The following PPP2R2B variants were observed in gnomAD, a reference collection of about 807,000 sequenced individuals.
The protein encoded by PPP2R2B is protein phosphatase 2 regulatory subunit Bbeta.
PPP2R2B carries 5 observed loss-of-function variants against 46.0 expected under a neutral mutation model. That is an observed-to-expected ratio of 0.11 (90% confidence interval 0.06 to 0.23). The LOEUF is 0.23. PPP2R2B is among the 10% of genes least tolerant of loss of function. The pLI is 1.00. For synonymous variants in PPP2R2B, 215 were observed against 206.7 expected (o/e 1.04, Z -0.34); for missense variants, 367 against 575.0 (o/e 0.64, Z 3.70).
chr5:147,075,929 G>GT (rs1369364326), intron 2 of PPP2R2B, among the ~76,000 whole-genome samples: 7 of 115,412 alleles, frequency 6.1e-5, no homozygotes, highest in African/African-American at 2.2e-4. Flanking sequence ...ATGTCTATGT[G>GT]TTATGTTGTT....
intron 6 of PPP2R2B, among the ~76,000 whole-genome samples, chr5:146,644,234 CAAAAAAAAAAAA>C (rs58634387): frequency 2.0e-4 from 12 of 60,666 alleles, no homozygotes; most frequent in Admixed American, 8.4e-4. Flanking sequence ...AGGAAAGTTT[CAAAAAAAAAAAA>C]AAAAAAAAAA....
intron 7 of PPP2R2B, among the ~76,000 whole-genome samples, chr5:146,628,986 C>T (rs1561785559): frequency 6.6e-6 from 1 of 152,198 alleles, no homozygotes. Context: ...CTTTCCCCTA[C>T]CCCATTGGTA....
At position 146,590,112 on chromosome 5, in the gene PPP2R2B, T is replaced by C. The variant is rs375632133; in HGVS notation, c.1167A>G (p.Lys389=). 23 of 1,613,934 alleles carry C rather than the reference T, an allele frequency of 1.4e-5. No homozygotes were observed. The highest frequency in any genetic ancestry group is 1.9e-5 in the Non-Finnish European group (23 of 1,180,036). The change falls in exon 10 of 10, where the codon AAA becomes AAG. Residue 389 remains lysine (K), a synonymous_variant. Transcript: ENST00000394411. The stretch of plus-strand genomic sequence containing the variant: ...TGCCCCCCACACACACTTTTCGGGG[T>C]TTGAGGATAGCCCGGGGCTTGCTGT... The part of the protein sequence containing the change: ...RENSKPRAIL[K]PRKVCVGGKR...
intron 2 of PPP2R2B, among the ~76,000 whole-genome samples, chr5:146,815,011 C>T (rs1389325243): frequency 6.6e-6 from 1 of 152,164 alleles, no homozygotes; most frequent in Non-Finnish European, 1.5e-5. Flanking sequence ...TGGTAACATA[C>T]TTTGGTGCCA....
intron 2 of PPP2R2B, among the ~76,000 whole-genome samples, chr5:146,712,218 T>G (rs1385118951): frequency 6.6e-6 from 1 of 152,230 alleles, no homozygotes; most frequent in Non-Finnish European, 1.5e-5. Flanking sequence ...CCAGTTATAA[T>G]ACCATGAATC....
At chr5:147,060,838 G>A (rs1380115990), upstream of PPP2R2B, among the ~76,000 whole-genome samples, 2 of 152,134 alleles carry the variant, frequency 1.3e-5, no homozygotes, top group East Asian at 3.9e-4. Flanking sequence ...TTGCAAGAAG[G>A]TAAAAATTGG....
Position 147,061,670 on chromosome 5 carries a change from G to C in PPP2R2B, c.50+19389C>G, listed in dbSNP as rs1757262007. On this transcript the variant is annotated intron_variant, in intron 2 of 10. Coordinates refer to the PPP2R2B transcript ENST00000394413. ...CTTGGCATGTGACTAAAGCAAGAGA[G>C]AGGTGGGAAGCTACAGATAAGACTG... is the stretch of plus-strand genomic sequence containing the variant. Among the ~76,000 whole-genome samples, 3 of 152,260 alleles carry C rather than the reference G, an allele frequency of 2.0e-5. No individual in the cohort carries two copies. In the South Asian group the frequency reaches 6.2e-4, roughly 32 times the overall value.
rs565378644 is a variant in PPP2R2B, at chr5:146,885,266, G to T, written c.79+170399C>A. Reference sequence around the variant, plus strand: ...TATAACCAAAGTCAGATAGATGAGAGCCTGGCGCCAACCCATGATCTGTCT... The same window carrying T: ...TATAACCAAAGTCAGATAGATGAGATCCTGGCGCCAACCCATGATCTGTCT... On this transcript the variant is annotated intron_variant, in intron 1 of 8. Transcript: ENST00000336640. Among the ~76,000 whole-genome samples, 4 of 152,258 alleles carry T rather than the reference G, an allele frequency of 2.6e-5. No individual in the cohort carries two copies. In the South Asian group the frequency reaches 8.3e-4, roughly 32 times the overall value.
At chr5:146,663,473 C>A (rs1026658131) in intron 5 of PPP2R2B, among the ~76,000 whole-genome samples, 1 of 81,350 alleles carries the variant, frequency 1.2e-5, no homozygotes, top group South Asian at 4.4e-4. Flanking sequence ...TAAAAACATC[C>A]GTAAATAACA....
intron 2 of PPP2R2B, among the ~76,000 whole-genome samples, chr5:146,851,562 TCA>T (rs1760352479): frequency 6.6e-6 from 1 of 152,148 alleles, no homozygotes. Context: ...ACCAGGTAGA[TCA>T]CAGTCTTTTC....
intron 4 of PPP2R2B, among the ~76,000 whole-genome samples, chr5:146,692,673 A>G (rs1014184633): frequency 1.3e-5 from 2 of 151,600 alleles, no homozygotes; most frequent in Non-Finnish European, 2.9e-5. Flanking sequence ...AGGTGGGACT[A>G]CAGGCACCCA....
chr5:146,744,818 C>T (rs73793246), intron 2 of PPP2R2B, among the ~76,000 whole-genome samples: 2,785 of 152,210 alleles, frequency 0.018, 76 homozygotes, highest in African/African-American at 0.06. Context: ...TTCTGCCTAG[C>T]CAGCTAAGAT....
Position 146,906,570 on chromosome 5 carries a change from C to T in PPP2R2B, c.79+149095G>A, listed in dbSNP as rs183646070. Among the ~76,000 whole-genome samples, 7 of 152,328 alleles carry T rather than the reference C, an allele frequency of 4.6e-5. No individual in the cohort carries two copies. In the East Asian group the frequency reaches 1.4e-3, roughly 29 times the overall value. Reference sequence around the variant, plus strand: ...CTCCCGATCTCAGGTGATCCGCCTGCCTCGGCCTCCCAAAGTGCTGGGATT... The same window carrying T: ...CTCCCGATCTCAGGTGATCCGCCTGTCTCGGCCTCCCAAAGTGCTGGGATT... On this transcript the variant is annotated intron_variant, in intron 1 of 8. Coordinates refer to the PPP2R2B transcript ENST00000336640.
At chr5:146,679,087 T>G (rs2151133315) in intron 5 of PPP2R2B, among the ~76,000 whole-genome samples, 1 of 75,106 alleles carries the variant, frequency 1.3e-5, no homozygotes. Context: ...CATCGCCAAG[T>G]CAATCCTAAG....
intron 2 of PPP2R2B, among the ~76,000 whole-genome samples, chr5:146,775,091 A>T (rs1755102311): frequency 1.3e-5 from 2 of 150,742 alleles, no homozygotes; most frequent in Admixed American, 1.3e-4. Flanking sequence ...AAACTCTTTC[A>T]AAAAAACGAA....
intron 2 of PPP2R2B, among the ~76,000 whole-genome samples, chr5:146,858,069 T>C (rs1760781816): frequency 6.6e-6 from 1 of 152,206 alleles, no homozygotes; most frequent in South Asian, 2.1e-4. Context: ...CATGAGCACA[T>C]TACAGGCACC....
At chr5:146,923,300 T>G (rs1763672652) in intron 1 of PPP2R2B, among the ~76,000 whole-genome samples, 1 of 152,140 alleles carries the variant, frequency 6.6e-6, no homozygotes. Flanking sequence ...ACTTATTAGC[T>G]CATCACAAAC....
chr5:147,037,402 G>A (rs975151128), intron 1 of PPP2R2B, among the ~76,000 whole-genome samples: 1 of 150,072 alleles, frequency 6.7e-6, no homozygotes. Flanking sequence ...AGACAAAGGG[G>A]TGTGTGTGTG....
chr5:147,023,481 C>T (rs1234743545), intron 1 of PPP2R2B, among the ~76,000 whole-genome samples: 4 of 151,818 alleles, frequency 2.6e-5, no homozygotes, highest in Non-Finnish European at 4.4e-5. Flanking sequence ...CTAAATACTG[C>T]CTAAAAATAT....
Sources: allele counts gnomAD v4.1 joint callset (sites outside exome capture counted in the v4.1 genomes callset), GRCh38; gene constraint gnomAD v4.1.1; transcripts MANE v1.5; gene names NCBI Gene and HGNC (gene_info 2026-07-23, HGNC 2026-07-21).